ANGPTL2: variants seen among roughly 807,000 people sequenced by gnomAD.
ANGPTL2 encodes angiopoietin-related protein 2.
Under a neutral mutation model 52.8 loss-of-function variants are expected in ANGPTL2, and 25 were observed. The observed-to-expected ratio is 0.47, with a 90% CI of 0.35 to 0.66. ANGPTL2 has a LOEUF of 0.66. Ranked by LOEUF, ANGPTL2 falls within the 30% of genes least tolerant of loss-of-function variation. The pLI, the probability that ANGPTL2 is intolerant of heterozygous loss-of-function variation, is 0.01. For missense variants in ANGPTL2, 546 were observed against 656.9 expected (o/e 0.83, Z 1.84); for synonymous variants, 276 against 277.4 (o/e 1.00, Z 0.05).
chr9:127,093,673 C>G (rs918802920), intron 3 of ANGPTL2, 60 bp downstream of exon 3: 1 of 1,590,228 alleles, frequency 6.3e-7, no homozygotes, highest in African/African-American at 1.3e-5. Flanking sequence ...TTGCTCAGGC[C>G]TCTCTTGGGG....
intron 2 of ANGPTL2, among the ~76,000 whole-genome samples, chr9:127,105,583 G>A (rs1385316771): frequency 6.6e-6 from 1 of 152,176 alleles, no homozygotes; most frequent in African/African-American, 2.4e-5. Context: ...AATTAGTCAT[G>A]CCACCTTACT....
In ANGPTL2 at chr9:127,088,878, GCCAGCGTGA is replaced by G; in HGVS notation, c.*52_*60del. ...GTGAGGAGTTGTTCTTTGTGCTGTG[GCCAGCGTGA>G]CCAGGGTGGGCTCCTGGCAATGGCC... On this transcript the variant is annotated 3_prime_UTR_variant, in exon 5 of 5. Transcript: ENST00000373425. 2 of 1,593,434 alleles carry G rather than the reference GCCAGCGTGA, an allele frequency of 1.3e-6. No homozygotes were observed. Among genetic ancestry groups the G allele is most frequent in the South Asian group, 2.2e-5 (2 of 90,282 alleles).
chr9:127,093,141 C>G (rs959299787), intron 3 of ANGPTL2, among the ~76,000 whole-genome samples: 12 of 152,136 alleles, frequency 7.9e-5, no homozygotes, highest in Admixed American at 2.0e-4. Context: ...TCTTGCCTTC[C>G]TTAGTACTAC....
intron 1 of ANGPTL2, among the ~76,000 whole-genome samples, chr9:127,114,254 C>G (rs1014558344): frequency 3.3e-5 from 5 of 152,126 alleles, no homozygotes; most frequent in Non-Finnish European, 7.3e-5. Flanking sequence ...TTCTGATGCC[C>G]ACAAAGATAC....
intron 1 of ANGPTL2, among the ~76,000 whole-genome samples, chr9:127,117,481 G>C (rs202151839): frequency 6.6e-6 from 1 of 152,240 alleles, no homozygotes; most frequent in East Asian, 1.9e-4. Flanking sequence ...AACAAGGTGG[G>C]TGAGGTCCTT....
rs1209022960 is a variant in ANGPTL2, at chr9:127,107,997, G to A, written c.735C>T (p.Asp245=). 6.9e-6 allele frequency: 11 copies of A among 1,593,038 alleles called. No homozygotes were observed. The highest frequency in any genetic ancestry group is 2.3e-5 in the South Asian group (2 of 88,644). Residue 245 remains aspartate, a synonymous_variant, in exon 2 of 5, where the codon GAC becomes GAT. Transcript: ENST00000373425. ...GGGGTGGCAGCACCTTCAGGTTCTG[G>A]TCACTCTGGATCTCGTTGGTAGAGA... ...NQISTNEIQS[D]QNLKVLPPPL... is the part of the protein sequence containing the mutation.
chr9:127,095,583 A>T (rs1024797379), intron 2 of ANGPTL2, among the ~76,000 whole-genome samples: 2 of 152,140 alleles, frequency 1.3e-5, no homozygotes, highest in African/African-American at 4.8e-5. Flanking sequence ...GGCCGCTCTG[A>T]CGCCCTGCAA....
At chr9:127,092,208 C>G (rs746143400) in intron 3 of ANGPTL2, among the ~76,000 whole-genome samples, 27 of 152,232 alleles carry the variant, frequency 1.8e-4, no homozygotes, top group Non-Finnish European at 3.7e-4. Context: ...ACCTTCCCCA[C>G]AGGCTTGCTG....
chr9:127,108,597 CT>C lies in ANGPTL2; in HGVS notation c.134del (p.Lys45SerfsTer45). On this transcript the variant is annotated frameshift_variant, in exon 2 of 5. Coordinates refer to ENST00000373425, the MANE Select transcript of ANGPTL2 (RefSeq NM_012098.3). LOFTEE classifies it high-confidence loss of function. ...PREFIYLNRY[K>X]RAGESQDKCT... ...ACTTGTCCTGGGACTCGCCCGCCCGCTTGTACCTGTTTAGGTAAATGAACTC... is the reference window on the plus strand; with the variant it reads ...ACTTGTCCTGGGACTCGCCCGCCCGCTGTACCTGTTTAGGTAAATGAACTC... 6.2e-7 allele frequency: 1 copy of C among 1,613,706 alleles called. No individual in the cohort carries two copies. The highest frequency in any genetic ancestry group is 8.5e-7 in the Non-Finnish European group (1 of 1,179,942).
intron 1 of ANGPTL2, among the ~76,000 whole-genome samples, chr9:127,114,275 A>G (rs1185996297): frequency 6.6e-6 from 1 of 152,232 alleles, no homozygotes; most frequent in Non-Finnish European, 1.5e-5. Flanking sequence ...TTTTAAGGCT[A>G]ACAGCAAAGC....
At chr9:127,092,317 T>A (rs2052585777) in intron 3 of ANGPTL2, among the ~76,000 whole-genome samples, 1 of 152,154 alleles carries the variant, frequency 6.6e-6, no homozygotes, top group Non-Finnish European at 1.5e-5. Flanking sequence ...GAGCTTCACC[T>A]CCTTCTCTGG....
chr9:127,118,898 C>A (rs1589591837), intron 1 of ANGPTL2, among the ~76,000 whole-genome samples: 1 of 152,188 alleles, frequency 6.6e-6, no homozygotes, highest in African/African-American at 2.4e-5. Flanking sequence ...ATTGCCATCT[C>A]CCTGATGTTT....
At chr9:127,095,081 C>G (rs1174917902) in intron 2 of ANGPTL2, among the ~76,000 whole-genome samples, 3 of 152,226 alleles carry the variant, frequency 2.0e-5, no homozygotes, top group African/African-American at 7.2e-5. Flanking sequence ...AAGAAAATCA[C>G]ATTTTGCTTC....
Position 127,102,635 on chromosome 9 carries a change from G to T in ANGPTL2, c.817+5280C>A, listed in dbSNP as rs77231028. Among the ~76,000 whole-genome samples, 70 of 152,264 alleles carry T rather than the reference G, an allele frequency of 4.6e-4. 1 individual carries two copies. The East Asian group carries it at 0.012, about 27-fold the overall frequency. Reference sequence around the variant, plus strand: ...AAACTGCCTGAGGAATGGAGGGGTAGCTTTCCATCACCCTCAAAAGGCTCT... The same window carrying T: ...AAACTGCCTGAGGAATGGAGGGGTATCTTTCCATCACCCTCAAAAGGCTCT... On this transcript the variant is annotated intron_variant, in intron 2 of 4. Transcript: ENST00000373425.
Position 127,108,629 on chromosome 9 carries a change from G to T in ANGPTL2, c.103C>A (p.Pro35Thr), listed in dbSNP as rs1395711068. The stretch of plus-strand genomic sequence containing the variant: ...CTGTTTAGGTAAATGAACTCTCTTG[G>T]CGAGCCCTCCTCAGTGCCCTCAAAA... ...DGFEGTEEGS[P>T]REFIYLNRYK... The change falls in exon 2 of 5, where the codon CCA becomes ACA. Residue 35 changes from proline to threonine, a missense_variant. Physicochemically the swap from Pro to Thr is conservative, Grantham distance 38 (BLOSUM62 -1). Coordinates refer to ENST00000373425, the MANE Select transcript of ANGPTL2 (RefSeq NM_012098.3). 6.2e-7 allele frequency: 1 copy of T among 1,613,472 alleles called. No homozygotes were observed. Among genetic ancestry groups the T allele is most frequent in the African/African-American group, 1.3e-5 (1 of 74,720 alleles).
At chr9:127,096,182 G>T (rs2053113348) in intron 2 of ANGPTL2, among the ~76,000 whole-genome samples, 1 of 152,208 alleles carries the variant, frequency 6.6e-6, no homozygotes, top group Non-Finnish European at 1.5e-5. Flanking sequence ...CCAGGGAAGG[G>T]GAGGCTAGAC....
chr9:127,102,116 C>T (rs992556347), intron 2 of ANGPTL2, among the ~76,000 whole-genome samples: 10 of 152,138 alleles, frequency 6.6e-5, no homozygotes, highest in African/African-American at 2.2e-4. Context: ...TCTCTGCTGC[C>T]TGCATCCTTC....
intron 1 of ANGPTL2, among the ~76,000 whole-genome samples, chr9:127,111,313 A>G (rs918888604): frequency 3.3e-5 from 5 of 152,166 alleles, no homozygotes; most frequent in African/African-American, 1.2e-4. Context: ...TTCCCCCTCC[A>G]GTGTCCTTAT....
At position 127,108,833 on chromosome 9, in the gene ANGPTL2, C is replaced by T. The variant is rs543628261; in HGVS notation, c.-49-53G>A. ...TGATGGTCCCACCACTGTCAGTGCC[C>T]TGTGCCATCAGTGATCCCAGCCTTC... On this transcript the variant is annotated intron_variant, in intron 1 of 4. Transcript: ENST00000373425. The T allele has an allele frequency of 4.4e-4, 557 of 1,278,638 alleles. 1 individual carries two copies. Among genetic ancestry groups the T allele is most frequent in the Admixed American group, 5.4e-4 (21 of 39,098 alleles). 79.2% of individuals were successfully genotyped at this position (1,278,638 alleles called of 1,614,324 possible).
Sources: allele counts gnomAD v4.1 joint callset (sites outside exome capture counted in the v4.1 genomes callset), GRCh38; gene constraint gnomAD v4.1.1; transcripts MANE v1.5; gene names NCBI Gene and HGNC (gene_info 2026-07-23, HGNC 2026-07-21).